Variants in MYL4 observed in about 807,000 individuals in gnomAD.
MYL4 encodes the protein atrial myosin light chain 1.
In MYL4, 16 loss-of-function variants were observed where a neutral mutation model predicts 21.6. The ratio of observed to expected loss-of-function variants is 0.74; its 90% CI spans 0.50 to 1.12. The LOEUF is 1.12. Among genes scored for constraint, MYL4 ranks in the 50% most tolerant of loss-of-function variants. The pLI is 0.00. For synonymous variants in MYL4, 82 were observed against 95.7 expected (o/e 0.86, Z 0.83); for missense variants, 249 against 252.9 (o/e 0.98, Z 0.11).
chr17:47,222,006 C>A, intron 4 of MYL4, 151 bp downstream of exon 4: 2 of 948,536 alleles, frequency 2.1e-6, no homozygotes, highest in Non-Finnish European at 3.1e-6. Flanking sequence ...TCTCCCTGGG[C>A]TCTGCAAGAA....
At chr17:47,222,086 G>A (rs1432849143) in intron 4 of MYL4, among the ~76,000 whole-genome samples, 1 of 152,176 alleles carries the variant, frequency 6.6e-6, no homozygotes, top group East Asian at 1.9e-4. Context: ...CAGGTTGGCA[G>A]AGCAGGGCTT....
intron 1 of MYL4, 97 bp from the exon 2 acceptor site, chr17:47,213,702 C>G: frequency 8.0e-7 from 1 of 1,257,478 alleles, no homozygotes; most frequent in Non-Finnish European, 1.2e-6. Flanking sequence ...GGTGGCCATA[C>G]TGCATTGGAA....
In MYL4 at chr17:47,221,678, G is replaced by A. The variant is rs114024716; in HGVS notation, c.314-4G>A. 2.9e-3 allele frequency: 4,627 copies of A among 1,611,708 alleles called. 121 individuals carry two copies. The African/African-American group carries it at 0.055, about 19-fold the overall frequency. ...TTCTCTTTCTTTACCCTGCCTGCCT[G>A]AAGAGATGAATGTCAAGATGCTGGA... On this transcript the variant is annotated splice_region_variant and splice_polypyrimidine_tract_variant and intron_variant, in intron 3 of 6. Transcript: ENST00000393450.
chr17:47,219,941 G>T lies in MYL4; in HGVS notation c.201G>T (p.Pro67=). ...KEAFSLFDRT[P]TGEMKITYGQ... The stretch of plus-strand genomic sequence containing the variant: ...CCTTTTCATTGTTTGACCGGACCCC[G>T]ACTGGAGAGATGAAGATCACCTACG... Residue 67 remains proline (P), a synonymous_variant, in exon 3 of 7, where the codon CCG becomes CCT. Coordinates refer to ENST00000393450, the MANE Select transcript of MYL4 (RefSeq NM_002476.2). The T allele has an allele frequency of 6.2e-7, 1 of 1,614,164 alleles. No individual in the cohort carries two copies. Among genetic ancestry groups the T allele is most frequent in the African/African-American group, 1.3e-5 (1 of 75,042 alleles).
At chr17:47,218,010 C>T (rs2064827682) in intron 2 of MYL4, among the ~76,000 whole-genome samples, 1 of 145,964 alleles carries the variant, frequency 6.9e-6, no homozygotes. Flanking sequence ...CATTGCACTC[C>T]AGCCTGGGCA....
intron 3 of MYL4, among the ~76,000 whole-genome samples, chr17:47,220,895 G>A (rs1192639921): frequency 3.9e-5 from 6 of 152,054 alleles, no homozygotes; most frequent in Non-Finnish European, 8.8e-5. Flanking sequence ...GAGGCTTCCT[G>A]GGCCCCATAG....
chr17:47,197,463 T>C (rs1342830501), upstream of MYL4, among the ~76,000 whole-genome samples: 1 of 152,112 alleles, frequency 6.6e-6, no homozygotes, highest in African/African-American at 2.4e-5. Context: ...AAAATGCATC[T>C]TGATTGAGAT....
At chr17:47,213,902 G>C in intron 2 of MYL4, 76 bp downstream of exon 2, 1 of 1,490,380 alleles carries the variant, frequency 6.7e-7, no homozygotes, top group Non-Finnish European at 9.4e-7. Context: ...AAGAAGAGGA[G>C]GAGTAGTTGT....
At chr17:47,217,455 C>G (rs1288465423) in intron 2 of MYL4, among the ~76,000 whole-genome samples, 1 of 149,934 alleles carries the variant, frequency 6.7e-6, no homozygotes, top group Admixed American at 6.6e-5. Context: ...AAGACTTTGT[C>G]TCCAAAAAAA....
chr17:47,193,448 A>T, the MYL4 span, among the ~76,000 whole-genome samples: 1 of 151,948 alleles, frequency 6.6e-6, no homozygotes, highest in Non-Finnish European at 1.5e-5. Flanking sequence ...TTGTATTTTC[A>T]GTAGAGACGG....
the MYL4 span, among the ~76,000 whole-genome samples, chr17:47,192,236 C>T: frequency 1.4e-3 from 215 of 152,246 alleles, no homozygotes; most frequent in African/African-American, 4.7e-3. Flanking sequence ...TGCCTGTAAT[C>T]CCAGCTACTT....
chr17:47,191,001 C>G, the MYL4 span, among the ~76,000 whole-genome samples: 1 of 152,200 alleles, frequency 6.6e-6, no homozygotes, highest in South Asian at 2.1e-4. Flanking sequence ...TTCATTTCTT[C>G]TCTGCATGAC....
intron 2 of MYL4, among the ~76,000 whole-genome samples, chr17:47,215,893 C>G (rs1306366323): frequency 1.3e-5 from 2 of 152,038 alleles, no homozygotes; most frequent in Non-Finnish European, 2.9e-5. Context: ...TGGTTTTAAG[C>G]AATCCTTTCA....
intron 2 of MYL4, 136 bp downstream of exon 2, chr17:47,213,962 G>A (rs767076799): frequency 1.3e-5 from 13 of 1,030,394 alleles, no homozygotes; most frequent in Admixed American, 1.7e-5. Context: ...CCTATATTGA[G>A]CATCTACCAT....
At chr17:47,218,780 C>T (rs1049080619) in intron 2 of MYL4, among the ~76,000 whole-genome samples, 1 of 152,166 alleles carries the variant, frequency 6.6e-6, no homozygotes, top group Non-Finnish European at 1.5e-5. Context: ...GAGCGAGACT[C>T]TGTCTCAAAC....
In MYL4 at chr17:47,209,444, C is replaced by G. The variant is rs2064754589; in HGVS notation, c.22C>G (p.Pro8Ala). ...CAACATGGCTCCCAAGAAGCCTGAG[C>G]CTAAGAAGGAGGCAGCCAAGCCAGC... is the stretch of plus-strand genomic sequence containing the variant. MAPKKPE[P>A]KKEAAKPAPA... is the part of the protein sequence containing the mutation. Residue 8 changes from proline to alanine, a missense_variant, in exon 1 of 7, where the codon CCT (proline) becomes GCT (alanine). Pro to Ala is a conservative substitution (Grantham distance 27). Coordinates refer to ENST00000393450, the MANE Select transcript of MYL4 (RefSeq NM_002476.2). 5 of 1,614,060 alleles carry G rather than the reference C, an allele frequency of 3.1e-6. No individual in the cohort carries two copies. The East Asian group carries it at 6.7e-5, about 22-fold the overall frequency.
intron 1 of MYL4, among the ~76,000 whole-genome samples, chr17:47,202,646 C>T (rs1787304304): frequency 2.0e-5 from 3 of 152,114 alleles, no homozygotes; most frequent in Admixed American, 2.0e-4. Context: ...CTTCTGTCAA[C>T]TCAGTATCAT....
intron 2 of MYL4, 61 bp from the exon 3 acceptor site, chr17:47,219,843 T>G: frequency 6.3e-7 from 1 of 1,597,320 alleles, no homozygotes; most frequent in East Asian, 2.2e-5. Flanking sequence ...GGAGGCTGAT[T>G]GGCCACCAGC....
At chr17:47,227,550 C>T (rs970314581), downstream of MYL4, among the ~76,000 whole-genome samples, 10 of 152,158 alleles carry the variant, frequency 6.6e-5, no homozygotes, top group African/African-American at 1.9e-4. Context: ...TCCACCTCCT[C>T]TTCCACCTCT....
Sources: gnomAD v4.1 joint callset for allele counts (sites outside exome capture counted in the v4.1 genomes callset) on GRCh38, gnomAD v4.1.1 for gene constraint, MANE v1.5 for transcripts, NCBI Gene and HGNC (gene_info 2026-07-23, HGNC 2026-07-21) for gene names.